Variants in DOCK1 observed in about 807,000 individuals in gnomAD.
DOCK1 encodes dedicator of cytokinesis protein 1.
In DOCK1, 138 loss-of-function variants were observed where a neutral mutation model predicts 262.7. The ratio of observed to expected loss-of-function variants is 0.53; its 90% CI spans 0.46 to 0.61. The LOEUF (loss-of-function observed/expected upper bound fraction) is 0.61, where lower values mean the gene tolerates loss of function less well. Ranked by LOEUF, DOCK1 falls within the 20% of genes least tolerant of loss-of-function variation. DOCK1 has a pLI of 0.00. For missense variants in DOCK1, 1,908 were observed against 2,370.7 expected (o/e 0.80, Z 4.05); for synonymous variants, 866 against 867.4 (o/e 1.00, Z 0.03).
chr10:127,093,214 C>CTTTCTTTCTTTCTTTCTTTCTTTCTTTCT (rs1453771073), intron 23 of DOCK1, among the ~76,000 whole-genome samples: 53 of 115,946 alleles, frequency 4.6e-4, no homozygotes, highest in African/African-American at 1.3e-3. Flanking sequence ...TTCTTTCTTT[C>CTTTCTTTCTTTCTTTCTTTCTTTCTTTCT]TTTCTTTTCT....
At chr10:127,420,741 A>G (rs1188817018) in intron 46 of DOCK1, among the ~76,000 whole-genome samples, 1 of 151,634 alleles carries the variant, frequency 6.6e-6, no homozygotes, top group Non-Finnish European at 1.5e-5. Flanking sequence ...CAGGAGGCTG[A>G]GGCAGGAGAA....
intron 10 of DOCK1, among the ~76,000 whole-genome samples, chr10:127,001,946 C>A (rs1446529918): frequency 6.6e-6 from 1 of 152,208 alleles, no homozygotes; most frequent in Non-Finnish European, 1.5e-5. Flanking sequence ...CTGCCCCGAC[C>A]TCCTGGGCTC....
intron 29 of DOCK1, among the ~76,000 whole-genome samples, chr10:127,325,723 A>G (rs1181179339): frequency 6.6e-6 from 1 of 152,258 alleles, no homozygotes; most frequent in Non-Finnish European, 1.5e-5. Flanking sequence ...GATGGTCTTG[A>G]TATGAAAAGG....
At chr10:127,059,242 T>A (rs529981216) in intron 22 of DOCK1, among the ~76,000 whole-genome samples, 1 of 152,200 alleles carries the variant, frequency 6.6e-6, no homozygotes, top group South Asian at 2.1e-4. Flanking sequence ...GTTTGTCTCC[T>A]TTTCTGTGGT....
chr10:127,147,360 G>A (rs1157307444), intron 27 of DOCK1, among the ~76,000 whole-genome samples: 1 of 152,156 alleles, frequency 6.6e-6, no homozygotes, highest in Non-Finnish European at 1.5e-5. Context: ...CTCTAGAGAG[G>A]CCATCCAAAT....
chr10:127,201,444 T>C (rs1203838690), intron 27 of DOCK1, among the ~76,000 whole-genome samples: 1 of 152,166 alleles, frequency 6.6e-6, no homozygotes, highest in Non-Finnish European at 1.5e-5. Flanking sequence ...AAACTAGAGA[T>C]GGTTTATTGG....
At chr10:127,402,806 G>C (rs1463492330) in intron 38 of DOCK1, 2 of 620,896 alleles carry the variant, frequency 3.2e-6, no homozygotes, top group Non-Finnish European at 6.1e-6. Context: ...ACAGACTGCT[G>C]TTACCATGGC....
At chr10:126,922,491 G>A (rs766358240) in intron 1 of DOCK1, among the ~76,000 whole-genome samples, 3 of 152,060 alleles carry the variant, frequency 2.0e-5, no homozygotes, top group Non-Finnish European at 4.4e-5. Flanking sequence ...AACAACCAGT[G>A]TCTCGGGAAC....
intron 43 of DOCK1, among the ~76,000 whole-genome samples, chr10:127,412,520 G>C (rs982791274): frequency 6.6e-6 from 1 of 152,154 alleles, no homozygotes; most frequent in South Asian, 2.1e-4. Flanking sequence ...GCATTAGCCC[G>C]GGGACCCCCA....
chr10:127,156,518 T>A (rs2053065324), intron 27 of DOCK1, among the ~76,000 whole-genome samples: 6 of 151,364 alleles, frequency 4.0e-5, no homozygotes, highest in Admixed American at 3.9e-4. Flanking sequence ...CTCTTTTCTT[T>A]ACTTTTCTTT....
chr10:126,980,945 G>A (rs896968157), intron 3 of DOCK1, among the ~76,000 whole-genome samples: 1 of 139,066 alleles, frequency 7.2e-6, no homozygotes, highest in Non-Finnish European at 1.6e-5. Flanking sequence ...AGGACCCTAC[G>A]TTTTTTTTTT....
chr10:127,222,367 A>ACT (rs1173124607), intron 27 of DOCK1, among the ~76,000 whole-genome samples: 1 of 151,702 alleles, frequency 6.6e-6, no homozygotes, highest in Non-Finnish European at 1.5e-5. Flanking sequence ...ACTGTGGCTT[A>ACT]CTCTCTCTCT....
At position 127,008,823 on chromosome 10, in the gene DOCK1, A is replaced by G. The variant is rs767563624; in HGVS notation, c.1058+19A>G. 1 of 1,579,296 alleles carries G rather than the reference A, an allele frequency of 6.3e-7. No individual in the cohort carries two copies. The highest frequency in any genetic ancestry group is 1.2e-5 in the South Asian group (1 of 86,598). On this transcript the variant is annotated intron_variant, in intron 11 of 51. Coordinates refer to ENST00000623213, the MANE Select transcript of DOCK1 (RefSeq NM_001290223.2). Reference sequence around the variant, plus strand: ...TTCAGCCGTAAGTATGGAGCAATTCAAGTACTTAGCCAGATATAATGTGGA... The same window carrying G: ...TTCAGCCGTAAGTATGGAGCAATTCGAGTACTTAGCCAGATATAATGTGGA...
chr10:127,031,058 C>T (rs145839902), intron 16 of DOCK1, among the ~76,000 whole-genome samples: 1 of 152,326 alleles, frequency 6.6e-6, no homozygotes, highest in East Asian at 1.9e-4. Flanking sequence ...CCAAAGGCAG[C>T]ACAATTTCAC....
chr10:127,357,212 T>A (rs1026847853), intron 32 of DOCK1, among the ~76,000 whole-genome samples: 4 of 152,222 alleles, frequency 2.6e-5, no homozygotes, highest in African/African-American at 9.6e-5. Context: ...CCCTGACTGA[T>A]GGGTGCTCCT....
At chr10:127,116,964 C>T (rs1168275493) in intron 25 of DOCK1, among the ~76,000 whole-genome samples, 1 of 152,132 alleles carries the variant, frequency 6.6e-6, no homozygotes, top group Non-Finnish European at 1.5e-5. Flanking sequence ...TCTTTCATGC[C>T]TTGAGAAAAC....
intron 27 of DOCK1, among the ~76,000 whole-genome samples, chr10:127,130,095 T>C (rs1396437929): frequency 1.1e-5 from 1 of 90,050 alleles, no homozygotes; most frequent in Non-Finnish European, 2.2e-5. Context: ...TTTTTTTTTT[T>C]TCCCCTGAGA....
intron 23 of DOCK1, among the ~76,000 whole-genome samples, chr10:127,097,827 G>A (rs2048001390): frequency 6.6e-6 from 1 of 152,226 alleles, no homozygotes; most frequent in Non-Finnish European, 1.5e-5. Context: ...GCTAAAATCA[G>A]TGACTTCCTC....
rs190761359 is a variant in DOCK1, at chr10:127,065,327, A to G, written c.2445+3551A>G. The stretch of plus-strand genomic sequence containing the variant: ...TGCCCGGCCGTGTTTGGCTTCTTTT[A>G]TATGGCATAATGTCTGCAAGGTTCT... On this transcript the variant is annotated intron_variant, in intron 23 of 51. Coordinates refer to ENST00000623213, the MANE Select transcript of DOCK1 (RefSeq NM_001290223.2). Among the ~76,000 whole-genome samples, 4 of 152,190 alleles carry G rather than the reference A, an allele frequency of 2.6e-5. No homozygotes were observed. The East Asian group carries it at 5.8e-4, about 22-fold the overall frequency.
Sources: allele counts gnomAD v4.1 joint callset (sites outside exome capture counted in the v4.1 genomes callset), GRCh38; gene constraint gnomAD v4.1.1; transcripts MANE v1.5; gene names NCBI Gene and HGNC (gene_info 2026-07-23, HGNC 2026-07-21).